Variants in MEGF6 observed in about 807,000 individuals in gnomAD.
The protein encoded by MEGF6 is multiple epidermal growth factor-like domains protein 6.
Under a neutral mutation model 207.1 loss-of-function variants are expected in MEGF6, and 184 were observed. The observed-to-expected ratio is 0.89, with a 90% CI of 0.79 to 1.00. The LOEUF is 1.00. Ranked by LOEUF, MEGF6 falls within the 50% of genes least tolerant of loss-of-function variation. The pLI, the probability that MEGF6 is intolerant of heterozygous loss-of-function variation, is 0.00. For missense variants in MEGF6, 2,282 were observed against 2,202.9 expected, an observed-to-expected ratio of 1.04 and a Z score of -0.72; for synonymous variants, 1,038 against 910.0, an observed-to-expected ratio of 1.14 and a Z score of -2.53.
intron 5 of MEGF6, among the ~76,000 whole-genome samples, chr1:3,522,971 C>A (rs1641813280): frequency 6.6e-6 from 1 of 152,198 alleles, no homozygotes; most frequent in South Asian, 2.1e-4. Flanking sequence ...TGTCCGGAAG[C>A]ACATCACAAC....
At chr1:3,510,071 C>G in intron 10 of MEGF6, 79 bp from the exon 11 acceptor site, 1 of 1,501,540 alleles carries the variant, frequency 6.7e-7, no homozygotes, top group South Asian at 1.2e-5. Context: ...CAGTCCTACC[C>G]ACAGGACTGA....
rs1644325669 is a variant in MEGF6 at position 3,611,461 on chromosome 1, T to C, written c.-193A>G. The C allele has an allele frequency of 1.4e-6, 1 of 700,736 alleles. No homozygotes were observed. The highest frequency in any genetic ancestry group is 4.4e-5 in the Admixed American group (1 of 22,790). The allele number at this position is 700,736 out of a possible 1,614,324, so 43.4% of individuals were successfully genotyped here. Reference sequence around the variant, plus strand: ...CCAAAGTGGCACCGCGGAGACCTGATCGCCGGGTCCACCCTGCAGGAACTC... The same window carrying C: ...CCAAAGTGGCACCGCGGAGACCTGACCGCCGGGTCCACCCTGCAGGAACTC... On this transcript the variant is annotated 5_prime_UTR_variant, in exon 1 of 37. Coordinates refer to ENST00000356575, the MANE Select transcript of MEGF6 (RefSeq NM_001409.4).
At chr1:3,616,855 G>A in the MEGF6 span, among the ~76,000 whole-genome samples, 42,304 of 152,100 alleles carry the variant, frequency 0.28, 5,987 homozygotes, top group East Asian at 0.38. Context: ...CCCAACTGCC[G>A]CCTGGCTGGG....
chr1:3,513,522 C>A (rs1030765902), intron 7 of MEGF6, among the ~76,000 whole-genome samples: 2 of 151,170 alleles, frequency 1.3e-5, no homozygotes, highest in Non-Finnish European at 1.5e-5. Context: ...AAGTGATCTG[C>A]CCACCTTGGC....
intron 4 of MEGF6, among the ~76,000 whole-genome samples, chr1:3,576,465 T>C (rs987257284): frequency 2.0e-5 from 3 of 152,200 alleles, no homozygotes; most frequent in South Asian, 2.1e-4. Context: ...ATGGCTTTTA[T>C]TTTCAAAACT....
At chr1:3,523,393 C>T (rs917628392) in intron 5 of MEGF6, among the ~76,000 whole-genome samples, 5 of 152,168 alleles carry the variant, frequency 3.3e-5, no homozygotes, top group African/African-American at 4.8e-5. Flanking sequence ...AGCCCTGTGC[C>T]GGTTCCTAGA....
At chr1:3,542,910 G>A (rs1257607295) in intron 4 of MEGF6, among the ~76,000 whole-genome samples, 6 of 152,244 alleles carry the variant, frequency 3.9e-5, no homozygotes, top group African/African-American at 1.4e-4. Context: ...GCTCTACAGA[G>A]GAGCCTGAAT....
At chr1:3,612,770 C>A (rs12027874), upstream of MEGF6, among the ~76,000 whole-genome samples, 1,538 of 152,158 alleles carry the variant, frequency 0.01, 61 homozygotes, top group East Asian at 0.096. Context: ...AGGGAGCACC[C>A]CCTGACTGTC....
At position 3,492,770 on chromosome 1, in the gene MEGF6, G is replaced by GC. The variant is rs775913682; in HGVS notation, c.4388-4dup. The GC allele has an allele frequency of 1.8e-5, 29 of 1,607,988 alleles. No individual in the cohort carries two copies. The highest frequency in any genetic ancestry group is 3.4e-6 in the Non-Finnish European group (4 of 1,176,502). ...CCCAAACTGGCCCCTTCTGCAATCT[G>GC]CAAGGCGGAGGGGGCGGGAGACAAA... On this transcript the variant is annotated splice_polypyrimidine_tract_variant and splice_region_variant and intron_variant, in intron 34 of 36. Transcript: ENST00000356575.
At position 3,489,066 on chromosome 1, in the gene MEGF6, A is replaced by G. The variant is rs1433381145; in HGVS notation, c.*1462T>C. 6.6e-6 allele frequency among the ~76,000 whole-genome samples: 1 copy of G among 152,040 alleles called. No homozygotes were observed. The highest frequency in any genetic ancestry group is 1.9e-4 in the East Asian group (1 of 5,182). On this transcript the variant is annotated 3_prime_UTR_variant, in exon 37 of 37. Transcript: ENST00000356575. ...ACTCACCCCATCTGCTGGATGCTTC[A>G]TTTCAAGGTATGCGTTTTCCACACT...
intron 35 of MEGF6, 65 bp downstream of exon 35, chr1:3,492,574 A>T (rs1640416262): frequency 6.3e-7 from 1 of 1,585,668 alleles, no homozygotes; most frequent in Non-Finnish European, 8.6e-7. Flanking sequence ...ATCCTCTGCC[A>T]GGGTGGAGCT....
intron 5 of MEGF6, among the ~76,000 whole-genome samples, chr1:3,517,169 C>G (rs555034711): frequency 2.3e-4 from 35 of 152,322 alleles, no homozygotes; most frequent in Admixed American, 5.2e-4. Context: ...AAACAGACCC[C>G]CTCCTGGCAG....
rs960283644 is a variant in MEGF6 at position 3,565,878 on chromosome 1, G to A, written c.481+13947C>T. ...GGCACTGTGGACCCTGACACCCAGCGGCACAGGGACTCTCATGGGGTGCAG... is the reference window on the plus strand; with the variant it reads ...GGCACTGTGGACCCTGACACCCAGCAGCACAGGGACTCTCATGGGGTGCAG... On this transcript the variant is annotated intron_variant, in intron 4 of 36. Transcript: ENST00000356575. This position sits in a 1 kb window ranked among gnomAD's most constrained non-coding sequence, Gnocchi z 4.8. Among the ~76,000 whole-genome samples, 2 of 152,266 alleles carry A rather than the reference G, an allele frequency of 1.3e-5. No homozygotes were observed. The highest frequency in any genetic ancestry group is 2.4e-5 in the African/African-American group (1 of 41,552).
At chr1:3,538,661 C>T (rs1252362545) in intron 4 of MEGF6, among the ~76,000 whole-genome samples, 7 of 151,064 alleles carry the variant, frequency 4.6e-5, no homozygotes, top group African/African-American at 1.7e-4. Context: ...GGTCTGTCCC[C>T]GTGAGGCTCT....
chr1:3,494,188 A>C, intron 32 of MEGF6, 64 bp from the exon 33 acceptor site: 1 of 1,503,496 alleles, frequency 6.7e-7, no homozygotes, highest in Admixed American at 2.2e-5. Flanking sequence ...GTTTGCCCAG[A>C]GTGAGTAAAA....
intron 35 of MEGF6, among the ~76,000 whole-genome samples, chr1:3,492,195 ACT>A (rs909745446): frequency 1.3e-5 from 2 of 151,886 alleles, no homozygotes; most frequent in African/African-American, 2.4e-5. Flanking sequence ...TGCTGTACGC[ACT>A]GTTGCACGTG....
In MEGF6 at chr1:3,563,811, C is replaced by T. The variant is rs1021426825; in HGVS notation, c.481+16014G>A. 2.6e-5 allele frequency among the ~76,000 whole-genome samples: 4 copies of T among 152,196 alleles called. 1 individual carries two copies. Among genetic ancestry groups the T allele is most frequent in the Non-Finnish European group, 5.9e-5 (4 of 68,042 alleles). ...TGAGACGGAGAGGCTGGCACAGACA[C>T]CTGAGTGTGGGAGGCGCAGGCCCTG... is the stretch of plus-strand genomic sequence containing the variant. On this transcript the variant is annotated intron_variant, in intron 4 of 36. Transcript: ENST00000356575.
intron 3 of MEGF6, among the ~76,000 whole-genome samples, chr1:3,593,905 T>C (rs1644019077): frequency 6.6e-6 from 1 of 152,150 alleles, no homozygotes; most frequent in Admixed American, 6.5e-5. Flanking sequence ...TGGAGAGAAT[T>C]ACCCACTTCC....
At chr1:3,505,710 T>C (rs891605271) in intron 15 of MEGF6, among the ~76,000 whole-genome samples, 154 bp from the exon 16 acceptor site, 1 of 152,100 alleles carries the variant, frequency 6.6e-6, no homozygotes, top group Middle Eastern at 3.2e-3. Context: ...GCCCCTTCCC[T>C]GAGTGTCTGA....
Sources: gnomAD v4.1 joint callset for allele counts (sites outside exome capture counted in the v4.1 genomes callset) on GRCh38, gnomAD v4.1.1 for gene constraint, Gnocchi (gnomAD v3.1) non-coding constraint, MANE v1.5 for transcripts, NCBI Gene and HGNC (gene_info 2026-07-23, HGNC 2026-07-21) for gene names.